Variants in USP34 observed in about 807,000 individuals in gnomAD.
The protein encoded by USP34 is ubiquitin specific peptidase 34, also known as ubiquitin carboxyl-terminal hydrolase 34.
In USP34, 70 loss-of-function variants were observed where a neutral mutation model predicts 460.3. That is an observed-to-expected ratio of 0.15 (90% confidence interval 0.13 to 0.19). USP34 has a LOEUF of 0.19. Among genes scored for constraint, USP34 ranks in the 10% least tolerant of loss-of-function variants. USP34 has a pLI of 1.00. For synonymous variants in USP34, 1,647 were observed against 1,405.3 expected (o/e 1.17, Z -3.85); for missense variants, 3,985 against 4,236.2 (o/e 0.94, Z 1.65).
At chr2:61,240,031 C>T (rs928013440) in intron 53 of USP34, among the ~76,000 whole-genome samples, 93 of 145,470 alleles carry the variant, frequency 6.4e-4, no homozygotes, top group Non-Finnish European at 1.1e-3. Flanking sequence ...AAAAAAAAGA[C>T]TTGATCCCAA....
At chr2:61,275,975 T>C (rs11677775) in intron 41 of USP34, among the ~76,000 whole-genome samples, 80,549 of 151,528 alleles carry the variant, frequency 0.53, 21,648 homozygotes, top group South Asian at 0.74. Flanking sequence ...GCAGCAAATA[T>C]GATATAAAGA....
In USP34 at chr2:61,204,328, C is replaced by T. The variant is rs1687056176; in HGVS notation, c.9312G>A (p.Gly3104=). The T allele has an allele frequency of 6.2e-7, 1 of 1,614,154 alleles. No individual in the cohort carries two copies. The highest frequency in any genetic ancestry group is 8.5e-7 in the Non-Finnish European group (1 of 1,180,034). The change falls in exon 74 of 80, where the codon GGG becomes GGA. Residue 3104 remains glycine (G), a synonymous_variant. Coordinates refer to ENST00000398571, the MANE Select transcript of USP34 (RefSeq NM_014709.4). ...PCRENIKLIG[G]KSNIRPPRPE... ...GGCGCGGAGGCCGAATATTGCTTTT[C>T]CCTCCTATTAGCTTGATATTTTCTC...
At chr2:61,320,283 G>A (rs1421222603) in intron 21 of USP34, among the ~76,000 whole-genome samples, 1 of 152,158 alleles carries the variant, frequency 6.6e-6, no homozygotes. Flanking sequence ...TAAGGACAGG[G>A]CAGTAACTAA....
At chr2:61,422,076 G>C (rs1052034978) in intron 1 of USP34, among the ~76,000 whole-genome samples, 3 of 152,216 alleles carry the variant, frequency 2.0e-5, no homozygotes, top group African/African-American at 7.2e-5. Context: ...TCACATCTGA[G>C]GCCCTGGAAG....
chr2:61,361,283 T>C (rs1692268067), intron 10 of USP34, among the ~76,000 whole-genome samples: 1 of 152,170 alleles, frequency 6.6e-6, no homozygotes, highest in Admixed American at 6.5e-5. Flanking sequence ...TAGCTGGGCA[T>C]GGTGGCATGC....
intron 8 of USP34, among the ~76,000 whole-genome samples, chr2:61,376,392 T>G (rs971738339): frequency 2.6e-5 from 4 of 152,236 alleles, no homozygotes; most frequent in African/African-American, 9.6e-5. Context: ...AACATGTCTT[T>G]GGGATGTATA....
intron 8 of USP34, among the ~76,000 whole-genome samples, chr2:61,374,597 G>C (rs982585437): frequency 2.7e-5 from 4 of 149,120 alleles, no homozygotes; most frequent in Non-Finnish European, 5.9e-5. Context: ...AGGATCAAAT[G>C]TATCTGGAGA....
chr2:61,285,773 G>T (rs929880997), intron 34 of USP34, among the ~76,000 whole-genome samples: 1 of 152,068 alleles, frequency 6.6e-6, no homozygotes, highest in South Asian at 2.1e-4. Flanking sequence ...ATATACCACG[G>T]GTAGAGAGCA....
intron 58 of USP34, among the ~76,000 whole-genome samples, chr2:61,231,996 CATTGTCTATTTT>C (rs1038166136): frequency 6.6e-6 from 1 of 151,826 alleles, no homozygotes; most frequent in African/African-American, 2.4e-5. Flanking sequence ...ATTTAAATTT[CATTGTCTATTTT>C]ACCCAACAAT....
intron 1 of USP34, among the ~76,000 whole-genome samples, chr2:61,425,908 G>C (rs1157891826): frequency 6.6e-6 from 1 of 151,678 alleles, no homozygotes; most frequent in East Asian, 1.9e-4. Flanking sequence ...AGAGTGGGGG[G>C]GACTCTCTTG....
In USP34 at chr2:61,245,199, A is replaced by T; in HGVS notation, c.6627+11T>A. ...GACACAAACCATTTATAATTTCTGAATAAAACTTACCGTCATCTCTCCACC... is the reference window on the plus strand; with the variant it reads ...GACACAAACCATTTATAATTTCTGATTAAAACTTACCGTCATCTCTCCACC... On this transcript the variant is annotated intron_variant, in intron 51 of 79. Coordinates refer to ENST00000398571, the MANE Select transcript of USP34 (RefSeq NM_014709.4). The T allele has an allele frequency of 6.2e-7, 1 of 1,606,702 alleles. No homozygotes were observed. The highest frequency in any genetic ancestry group is 8.5e-7 in the Non-Finnish European group (1 of 1,174,600).
intron 50 of USP34, 24 bp downstream of exon 50, chr2:61,246,300 A>C (rs773006875): frequency 6.7e-7 from 1 of 1,489,926 alleles, no homozygotes; most frequent in Non-Finnish European, 9.0e-7. Context: ...TTGTTAAAGA[A>C]GTTTTGAAAT....
At chr2:61,261,711 G>C (rs1197383584) in intron 43 of USP34, among the ~76,000 whole-genome samples, 1 of 152,068 alleles carries the variant, frequency 6.6e-6, no homozygotes, top group Non-Finnish European at 1.5e-5. Context: ...AACTTCATGT[G>C]AGCATCAGAA....
chr2:61,417,000 G>C lies in USP34; in HGVS notation c.131+3746C>G, dbSNP rs900340712. ...CCATATCTTCAAATTCATCGGCATTGAACTTGGTGAAGCCCCACTTCTTCC... is the reference window on the plus strand; with the variant it reads ...CCATATCTTCAAATTCATCGGCATTCAACTTGGTGAAGCCCCACTTCTTCC... On this transcript the variant is annotated intron_variant, in intron 2 of 79. Coordinates refer to ENST00000398571, the MANE Select transcript of USP34 (RefSeq NM_014709.4). The C allele has an allele frequency of 4.5e-6, 6 of 1,321,468 alleles. No individual in the cohort carries two copies. In the African/African-American group the frequency reaches 7.2e-5, roughly 16 times the overall value. The allele number at this position is 1,321,468 out of a possible 1,614,324, so 81.9% of individuals were successfully genotyped here. A position where few individuals can be genotyped will look rare whatever the true frequency, so the allele number is the denominator to read the frequency against.
At chr2:61,442,085 A>C (rs1284318139) in intron 1 of USP34, among the ~76,000 whole-genome samples, 3 of 152,110 alleles carry the variant, frequency 2.0e-5, no homozygotes, top group Non-Finnish European at 4.4e-5. Flanking sequence ...CACAACAATG[A>C]AACTATACCC....
intron 1 of USP34, among the ~76,000 whole-genome samples, chr2:61,422,504 C>G (rs1694392293): frequency 6.6e-6 from 1 of 152,202 alleles, no homozygotes; most frequent in Admixed American, 6.5e-5. Context: ...GTTCTCCAAA[C>G]ACACAGCTAT....
chr2:61,349,796 G>A (rs552355821), intron 12 of USP34, among the ~76,000 whole-genome samples: 5 of 152,000 alleles, frequency 3.3e-5, no homozygotes, highest in Non-Finnish European at 5.9e-5. Flanking sequence ...AGCCAAGATA[G>A]CACCACTGCA....
chr2:61,324,893 G>A (rs1691037041), intron 21 of USP34, among the ~76,000 whole-genome samples: 1 of 152,006 alleles, frequency 6.6e-6, no homozygotes, highest in South Asian at 2.1e-4. Flanking sequence ...AATGTATTAA[G>A]AATAATCACT....
intron 1 of USP34, among the ~76,000 whole-genome samples, chr2:61,442,045 A>C (rs1573045813): frequency 6.6e-6 from 1 of 152,260 alleles, no homozygotes; most frequent in Non-Finnish European, 1.5e-5. Flanking sequence ...TCTCCAATGA[A>C]TGGTGCTAGG....
Sources: allele counts gnomAD v4.1 joint callset (sites outside exome capture counted in the v4.1 genomes callset), GRCh38; gene constraint gnomAD v4.1.1; transcripts MANE v1.5; gene names NCBI Gene and HGNC (gene_info 2026-07-23, HGNC 2026-07-21).